The following CSMD1 variants were observed in gnomAD, a reference collection of about 807,000 sequenced individuals.
CSMD1 encodes CUB and Sushi multiple domains 1.
Under a neutral mutation model 417.5 loss-of-function variants are expected in CSMD1, and 213 were observed. The observed-to-expected ratio is 0.51, with a 90% CI of 0.46 to 0.57. CSMD1 has a LOEUF of 0.57. Ranked by LOEUF, CSMD1 falls within the 20% of genes least tolerant of loss-of-function variation. The pLI is 0.00. For missense variants in CSMD1, 6,923 were observed against 4,529.7 expected (o/e 1.53, Z -15.17); for synonymous variants, 2,862 against 1,736.8 (o/e 1.65, Z -16.11).
At position 4,795,215 on chromosome 8, in the gene CSMD1, C is replaced by T. The variant is rs146443149; in HGVS notation, c.86-157657G>A. Among the ~76,000 whole-genome samples, 4 of 137,930 alleles carry T rather than the reference C, an allele frequency of 2.9e-5. No individual in the cohort carries two copies. The Admixed American group carries it at 3.0e-4, about 10-fold the overall frequency. 90.5% of individuals were successfully genotyped at this position (137,930 alleles called of 152,430 possible). On this transcript the variant is annotated intron_variant, in intron 1 of 69. Transcript: ENST00000635120. ...CTTAACCAGCTCACATATTGAGGTGCAATCAGAACACATTTCTAGGTCTGC... is the reference window on the plus strand; with the variant it reads ...CTTAACCAGCTCACATATTGAGGTGTAATCAGAACACATTTCTAGGTCTGC...
At chr8:4,175,444 CTTTAT>C (rs1391729150) in intron 3 of CSMD1, among the ~76,000 whole-genome samples, 1 of 148,330 alleles carries the variant, frequency 6.7e-6, no homozygotes, top group African/African-American at 2.5e-5. Flanking sequence ...TAATTGACAT[CTTTAT>C]TTTATGATAG....
chr8:3,893,120 A>G (rs1807097788), intron 5 of CSMD1, among the ~76,000 whole-genome samples: 1 of 151,794 alleles, frequency 6.6e-6, no homozygotes, highest in Non-Finnish European at 1.5e-5. Context: ...ACATGACAAA[A>G]TCATCCTCAC....
chr8:3,886,572 C>T (rs1242730078), intron 5 of CSMD1, among the ~76,000 whole-genome samples: 1 of 152,178 alleles, frequency 6.6e-6, no homozygotes, highest in Admixed American at 6.5e-5. Context: ...GGCTGTGTTG[C>T]AGGAAAAGTT....
intron 3 of CSMD1, among the ~76,000 whole-genome samples, chr8:4,282,829 G>T (rs1333229766): frequency 6.6e-6 from 1 of 152,044 alleles, no homozygotes; most frequent in Non-Finnish European, 1.5e-5. Context: ...GATTCAACAA[G>T]CATCATTCAG....
At chr8:3,568,351 G>C (rs1301828896) in intron 10 of CSMD1, among the ~76,000 whole-genome samples, 2 of 152,084 alleles carry the variant, frequency 1.3e-5, no homozygotes, top group Non-Finnish European at 2.9e-5. Context: ...ATTTCATTGT[G>C]CTTGTATAAT....
intron 10 of CSMD1, among the ~76,000 whole-genome samples, chr8:3,511,173 T>G (rs1026484082): frequency 6.6e-6 from 1 of 151,526 alleles, no homozygotes; most frequent in Admixed American, 6.6e-5. Flanking sequence ...AAGTGGGAGT[T>G]GAACAATGAG....
At chr8:4,635,384 A>G (rs1220130951) in intron 2 of CSMD1, among the ~76,000 whole-genome samples, 1 of 152,142 alleles carries the variant, frequency 6.6e-6, no homozygotes, top group Non-Finnish European at 1.5e-5. Flanking sequence ...TTTTATATTT[A>G]TTAATATAAA....
At chr8:3,477,676 A>G (rs13251344) in intron 11 of CSMD1, among the ~76,000 whole-genome samples, 96,376 of 151,994 alleles carry the variant, frequency 0.63, 31,350 homozygotes, top group Middle Eastern at 0.76. Context: ...CAACTCAGTT[A>G]TTTGATAAGC....
At chr8:3,858,208 A>T (rs1325945798) in intron 5 of CSMD1, among the ~76,000 whole-genome samples, 4 of 152,230 alleles carry the variant, frequency 2.6e-5, no homozygotes, top group Non-Finnish European at 5.9e-5. Flanking sequence ...ATTCTTTAAA[A>T]TCATAATTCA....
intron 2 of CSMD1, among the ~76,000 whole-genome samples, chr8:4,512,013 C>G (rs1301175773): frequency 6.6e-6 from 1 of 152,132 alleles, no homozygotes; most frequent in Non-Finnish European, 1.5e-5. Context: ...ACCATCGTTT[C>G]TCATGGACAT....
Position 4,031,897 on chromosome 8 carries a change from C to A in CSMD1, c.610+8G>T. On this transcript the variant is annotated splice_region_variant and intron_variant, in intron 4 of 69. Coordinates refer to ENST00000635120, the MANE Select transcript of CSMD1 (RefSeq NM_033225.6). ...AGTCTGCTCACCAGCCCCCTTGTAGCACTGTACCTCTGCAAAAGGGAGCTG... is the reference window on the plus strand; with the variant it reads ...AGTCTGCTCACCAGCCCCCTTGTAGAACTGTACCTCTGCAAAAGGGAGCTG... The A allele has an allele frequency of 1.2e-6, 2 of 1,610,328 alleles. No homozygotes were observed. Among genetic ancestry groups the A allele is most frequent in the Non-Finnish European group, 8.5e-7 (1 of 1,177,694 alleles).
intron 7 of CSMD1, among the ~76,000 whole-genome samples, chr8:3,658,290 T>C (rs1270833799): frequency 6.6e-6 from 1 of 152,074 alleles, no homozygotes; most frequent in African/African-American, 2.4e-5. Flanking sequence ...TGATTGTATT[T>C]GTGTATAAAC....
chr8:3,767,774 A>T (rs1798361418), intron 5 of CSMD1, among the ~76,000 whole-genome samples: 1 of 152,238 alleles, frequency 6.6e-6, no homozygotes, highest in Admixed American at 6.5e-5. Context: ...CACTCAGAGA[A>T]CAGTGCTCTC....
intron 7 of CSMD1, among the ~76,000 whole-genome samples, chr8:3,703,135 C>G (rs1010278816): frequency 6.6e-6 from 1 of 152,134 alleles, no homozygotes; most frequent in Non-Finnish European, 1.5e-5. Flanking sequence ...TTACTGATTA[C>G]AAGCTGGTGA....
At chr8:4,022,883 GA>G (rs1428317697) in intron 4 of CSMD1, among the ~76,000 whole-genome samples, 2 of 152,308 alleles carry the variant, frequency 1.3e-5, no homozygotes, top group African/African-American at 4.8e-5. Flanking sequence ...TTAAGAAGCA[GA>G]AAATACATGG....
At chr8:4,051,251 G>C (rs1334567268) in intron 3 of CSMD1, among the ~76,000 whole-genome samples, 1 of 149,460 alleles carries the variant, frequency 6.7e-6, no homozygotes, top group South Asian at 2.1e-4. Flanking sequence ...AAGCTTCCTG[G>C]ATTTCTTCAA....
At chr8:4,150,334 A>C (rs544113986) in intron 3 of CSMD1, among the ~76,000 whole-genome samples, 1 of 152,118 alleles carries the variant, frequency 6.6e-6, no homozygotes, top group South Asian at 2.1e-4. Flanking sequence ...TAAATTCTCT[A>C]ACCCGTGCCA....
Position 3,843,848 on chromosome 8 carries a change from T to C in CSMD1, c.819-89806A>G, listed in dbSNP as rs1232418818. Reference sequence around the variant, plus strand: ...GGAATCAAATGGATATAATGTACCTTCGAAAGTAAAGAGGGACAGATATTG... The same window carrying C: ...GGAATCAAATGGATATAATGTACCTCCGAAAGTAAAGAGGGACAGATATTG... On this transcript the variant is annotated intron_variant, in intron 5 of 69. Transcript: ENST00000635120. Among the ~76,000 whole-genome samples the C allele has an allele frequency of 2.6e-5, 4 of 152,146 alleles. No individual in the cohort carries two copies. The East Asian group carries it at 7.7e-4, about 29-fold the overall frequency.
In CSMD1 at chr8:3,929,110, T is replaced by G. The variant is rs1275218224; in HGVS notation, c.818+68793A>C. ...AAGAAAGACTTGGAGTGAGGAGAGA[T>G]GAAACTCTGCACATAAGCAAGATGC... On this transcript the variant is annotated intron_variant, in intron 5 of 69. Coordinates refer to ENST00000635120, the MANE Select transcript of CSMD1 (RefSeq NM_033225.6). 2.0e-5 allele frequency among the ~76,000 whole-genome samples: 3 copies of G among 150,290 alleles called. 1 individual carries two copies. Among genetic ancestry groups the G allele is most frequent in the African/African-American group, 7.4e-5 (3 of 40,706 alleles).
Sources: gnomAD v4.1 joint callset for allele counts (sites outside exome capture counted in the v4.1 genomes callset) on GRCh38, gnomAD v4.1.1 for gene constraint, MANE v1.5 for transcripts, NCBI Gene and HGNC (gene_info 2026-07-23, HGNC 2026-07-21) for gene names.